Variants in ARHGAP6 observed in about 807,000 individuals in gnomAD.
ARHGAP6 encodes Rho GTPase activating protein 6.
ARHGAP6 carries 16 observed loss-of-function variants against 55.7 expected under a neutral mutation model. That is an observed-to-expected ratio of 0.29 (90% CI 0.19 to 0.44). ARHGAP6 has a LOEUF of 0.44. Ranked by LOEUF, ARHGAP6 falls within the 20% of genes least tolerant of loss-of-function variation. The pLI is 1.00. For missense variants in ARHGAP6, 698 were observed against 808.9 expected (o/e 0.86, Z 1.66); for synonymous variants, 382 against 360.9 (o/e 1.06, Z -0.66).
At chrX:11,401,770 G>T (rs1229684713) in intron 1 of ARHGAP6, among the ~76,000 whole-genome samples, 3 of 112,108 alleles carry the variant, frequency 2.7e-5, no homozygotes, top group African/African-American at 6.5e-5. Context: ...CCAACAGTAA[G>T]TTATTTGACA....
intron 1 of ARHGAP6, among the ~76,000 whole-genome samples, chrX:11,283,919 A>C (rs1323065507): frequency 1.8e-5 from 2 of 112,131 alleles, no homozygotes; most frequent in African/African-American, 6.5e-5. Flanking sequence ...TAAGCGACTA[A>C]GTTTGTGATT....
intron 1 of ARHGAP6, among the ~76,000 whole-genome samples, chrX:11,606,862 A>T (rs1180911539): frequency 2.7e-5 from 3 of 112,038 alleles, no homozygotes; most frequent in African/African-American, 9.7e-5. Flanking sequence ...TTCACAAAAC[A>T]TAAATGTTGC....
intron 1 of ARHGAP6, among the ~76,000 whole-genome samples, chrX:11,559,209 G>A (rs1029706083): frequency 1.8e-5 from 2 of 109,422 alleles, no homozygotes; most frequent in Non-Finnish European, 3.8e-5. Context: ...TTACATCATC[G>A]ATGCACTTGG....
At chrX:11,617,270 A>T (rs1376747958) in intron 1 of ARHGAP6, among the ~76,000 whole-genome samples, 4 of 112,398 alleles carry the variant, frequency 3.6e-5, no homozygotes, top group Non-Finnish European at 5.6e-5. Flanking sequence ...AAATATGTCT[A>T]CTAGAACATT....
intron 9 of ARHGAP6, among the ~76,000 whole-genome samples, chrX:11,161,617 C>T (rs1024776774): frequency 2.7e-5 from 3 of 110,669 alleles, no homozygotes; most frequent in Non-Finnish European, 3.8e-5. Flanking sequence ...AATAGATTAC[C>T]AATTGCAAAG....
At chrX:11,371,217 G>T (rs1158945549) in intron 1 of ARHGAP6, among the ~76,000 whole-genome samples, 1 of 111,741 alleles carries the variant, frequency 8.9e-6, no homozygotes, top group Non-Finnish European at 1.9e-5. Flanking sequence ...TCACCAGATT[G>T]GTTCTACAAG....
chrX:11,596,722 A>G (rs999544204), intron 1 of ARHGAP6, among the ~76,000 whole-genome samples: 1 of 111,191 alleles, frequency 9.0e-6, no homozygotes, highest in African/African-American at 3.3e-5. Context: ...AAGGTGTTCA[A>G]ATTTGGCCTC....
intron 1 of ARHGAP6, among the ~76,000 whole-genome samples, chrX:11,507,109 A>G (rs1398625893): frequency 8.9e-6 from 1 of 112,116 alleles, no homozygotes; most frequent in Non-Finnish European, 1.9e-5. Context: ...AGCCTGATCT[A>G]TTAATATACT....
chrX:11,413,094 C>T (rs1378215290), intron 1 of ARHGAP6, among the ~76,000 whole-genome samples: 3 of 111,974 alleles, frequency 2.7e-5, no homozygotes, highest in Non-Finnish European at 5.6e-5. Flanking sequence ...TGATTTCCAC[C>T]CTCAGAGACA....
chrX:11,433,222 AG>A (rs1470523042), intron 1 of ARHGAP6, among the ~76,000 whole-genome samples: 1 of 112,441 alleles, frequency 8.9e-6, no homozygotes, highest in African/African-American at 3.2e-5. Flanking sequence ...CCTAGTACAA[AG>A]AATATCATAA....
intron 1 of ARHGAP6, among the ~76,000 whole-genome samples, chrX:11,620,568 T>C (rs2052216342): frequency 8.9e-6 from 1 of 112,539 alleles, no homozygotes; most frequent in African/African-American, 3.2e-5. Context: ...CTACTTACTA[T>C]GAAAGGCTGA....
Position 11,560,938 on chromosome X carries a change from T to A in ARHGAP6, c.588+103303A>T, listed in dbSNP as rs2051378306. ...TTTCTGCAGGCCAGTCACAAACACTTTTTGCATGACAGTCTCTCAAAACTG... is the reference window on the plus strand; with the variant it reads ...TTTCTGCAGGCCAGTCACAAACACTATTTGCATGACAGTCTCTCAAAACTG... On this transcript the variant is annotated intron_variant, in intron 1 of 12. Coordinates refer to ENST00000337414, the MANE Select transcript of ARHGAP6 (RefSeq NM_013427.3). Among the ~76,000 whole-genome samples the A allele has an allele frequency of 2.7e-5, 3 of 112,207 alleles. No individual in the cohort carries two copies. The South Asian group carries it at 1.1e-3, about 42-fold the overall frequency.
intron 1 of ARHGAP6, among the ~76,000 whole-genome samples, chrX:11,294,014 G>C (rs1231783846): frequency 1.8e-5 from 2 of 112,588 alleles, no homozygotes; most frequent in Non-Finnish European, 3.8e-5. Context: ...AGGAGGACCT[G>C]TTTTGCTTAA....
In ARHGAP6 at chrX:11,335,770, C is replaced by G. The variant is rs1213310843; in HGVS notation, c.589-81063G>C. ...CCCTCTTAAAGGCTTTGGTGGTTCC[C>G]AGGATGGGATCTGGAGGTCTCATTT... On this transcript the variant is annotated intron_variant, in intron 1 of 12. Transcript: ENST00000337414. 5 of 292,258 alleles carry G rather than the reference C, an allele frequency of 1.7e-5. No individual in the cohort carries two copies. The Admixed American group carries it at 1.8e-4, about 11-fold the overall frequency. 24.1% of individuals were successfully genotyped at this position (292,258 alleles called of 1,213,427 possible).
chrX:11,464,057 C>G (rs754713033), intron 1 of ARHGAP6, among the ~76,000 whole-genome samples: 1 of 111,521 alleles, frequency 9.0e-6, no homozygotes, highest in Non-Finnish European at 1.9e-5. Context: ...TCTTTTTCAG[C>G]TATGGTTACT....
intron 1 of ARHGAP6, among the ~76,000 whole-genome samples, chrX:11,604,151 G>A (rs2052008108): frequency 9.0e-6 from 1 of 111,696 alleles, no homozygotes; most frequent in Non-Finnish European, 1.9e-5. Flanking sequence ...GCATTCCATT[G>A]GCTAAAGCAA....
chrX:11,157,739 T>C (rs1445285626), intron 9 of ARHGAP6, among the ~76,000 whole-genome samples: 1 of 112,580 alleles, frequency 8.9e-6, no homozygotes, highest in Non-Finnish European at 1.9e-5. Flanking sequence ...GCTTCTTGCC[T>C]CTTGCAGAAC....
intron 9 of ARHGAP6, among the ~76,000 whole-genome samples, chrX:11,165,417 G>A (rs1213107378): frequency 8.9e-6 from 1 of 111,751 alleles, no homozygotes; most frequent in Non-Finnish European, 1.9e-5. Context: ...TCAGGTCACA[G>A]CATTATACAC....
At chrX:11,493,896 G>A (rs1378722259) in intron 1 of ARHGAP6, among the ~76,000 whole-genome samples, 2 of 99,606 alleles carry the variant, frequency 2.0e-5, no homozygotes, top group African/African-American at 7.5e-5. Context: ...TATAATAGCA[G>A]GATCATAGCT....
Sources: gnomAD v4.1 joint callset for allele counts (sites outside exome capture counted in the v4.1 genomes callset) on GRCh38, gnomAD v4.1.1 for gene constraint, MANE v1.5 for transcripts, NCBI Gene and HGNC (gene_info 2026-07-23, HGNC 2026-07-21) for gene names.